CDH13: variants seen among roughly 807,000 people sequenced by gnomAD.
CDH13 encodes the protein cadherin-13.
Under a neutral mutation model 63.8 loss-of-function variants are expected in CDH13, and 24 were observed. The ratio of observed to expected loss-of-function variants is 0.38; its 90% CI spans 0.27 to 0.53. The LOEUF is 0.53. Among genes scored for constraint, CDH13 ranks in the 20% least tolerant of loss-of-function variants. The pLI is 0.85. For missense variants in CDH13, 1,049 were observed against 903.1 expected (o/e 1.16, Z -2.07); for synonymous variants, 503 against 355.3 (o/e 1.42, Z -4.67).
At chr16:83,137,078 G>T (rs1446505184) in intron 4 of CDH13, among the ~76,000 whole-genome samples, 1 of 152,220 alleles carries the variant, frequency 6.6e-6, no homozygotes, top group East Asian at 1.9e-4. Context: ...GGGCACATGG[G>T]TCCCAGGGGA....
At chr16:82,649,980 G>T (rs1910536090) in intron 1 of CDH13, among the ~76,000 whole-genome samples, 1 of 152,156 alleles carries the variant, frequency 6.6e-6, no homozygotes, top group African/African-American at 2.4e-5. Flanking sequence ...TAGGGATCCT[G>T]TTGCCTTAGT....
intron 2 of CDH13, among the ~76,000 whole-genome samples, chr16:82,993,662 C>A (rs910696644): frequency 6.6e-6 from 1 of 152,130 alleles, no homozygotes; most frequent in Non-Finnish European, 1.5e-5. Flanking sequence ...TCAGAGGATG[C>A]TGCTTCTCGG....
At chr16:83,087,533 T>C (rs779729602) in intron 3 of CDH13, among the ~76,000 whole-genome samples, 2 of 151,874 alleles carry the variant, frequency 1.3e-5, no homozygotes, top group Non-Finnish European at 2.9e-5. Flanking sequence ...CCAGGTGCGG[T>C]GGCATGTGCC....
At chr16:83,175,464 G>A (rs189956496) in intron 4 of CDH13, among the ~76,000 whole-genome samples, 63 of 152,178 alleles carry the variant, frequency 4.1e-4, no homozygotes, top group African/African-American at 1.5e-3. Context: ...GAAGAGGAAG[G>A]GATTGTTTGG....
In CDH13 at chr16:83,171,293, G is replaced by C. The variant is rs569847904; in HGVS notation, c.483+45792G>C. Among the ~76,000 whole-genome samples, 149 of 152,166 alleles carry C rather than the reference G, an allele frequency of 9.8e-4. 2 individuals carry two copies. The highest frequency in any genetic ancestry group is 3.4e-3 in the African/African-American group (143 of 41,566). On this transcript the variant is annotated intron_variant, in intron 4 of 13. Transcript: ENST00000567109. ...ACACTTTTAAAGGACCAGATCTTGTGAGAACTCTATCATGAGAACAGCACC... is the reference window on the plus strand; with the variant it reads ...ACACTTTTAAAGGACCAGATCTTGTCAGAACTCTATCATGAGAACAGCACC...
chr16:82,696,933 C>T (rs2030371276), intron 1 of CDH13, among the ~76,000 whole-genome samples: 4 of 152,136 alleles, frequency 2.6e-5, no homozygotes, highest in African/African-American at 9.7e-5. Flanking sequence ...TGGTAATAGG[C>T]CTCAGTTCCT....
At chr16:83,076,467 T>G (rs1029569187) in intron 3 of CDH13, among the ~76,000 whole-genome samples, 1 of 152,184 alleles carries the variant, frequency 6.6e-6, no homozygotes, top group Admixed American at 6.5e-5. Flanking sequence ...GTCCTGACAT[T>G]TCATAAAATC....
chr16:82,961,334 G>A (rs1239796268), intron 2 of CDH13, among the ~76,000 whole-genome samples: 22 of 152,260 alleles, frequency 1.4e-4, no homozygotes, highest in Middle Eastern at 3.4e-3. Flanking sequence ...AAAAGGAAAC[G>A]TCACTAACCT....
At chr16:83,061,378 A>G (rs1181558203) in intron 3 of CDH13, among the ~76,000 whole-genome samples, 1 of 152,168 alleles carries the variant, frequency 6.6e-6, no homozygotes, top group African/African-American at 2.4e-5. Flanking sequence ...GTGAATTCCC[A>G]GCATCATGGT....
At chr16:83,017,322 C>T (rs1914904350) in intron 2 of CDH13, among the ~76,000 whole-genome samples, 2 of 152,158 alleles carry the variant, frequency 1.3e-5, no homozygotes, top group Non-Finnish European at 2.9e-5. Context: ...TCCATTTTGA[C>T]ACCTTTTTTA....
chr16:83,595,257 G>A, intron 7 of CDH13, among the ~76,000 whole-genome samples: 1 of 152,174 alleles, frequency 6.6e-6, no homozygotes, highest in East Asian at 1.9e-4. Context: ...ACTTTGCTTT[G>A]GAAATGCCAC....
chr16:83,361,631 C>T (rs867059868), intron 6 of CDH13, among the ~76,000 whole-genome samples: 9 of 152,264 alleles, frequency 5.9e-5, no homozygotes, highest in South Asian at 4.1e-4. Context: ...TGGGTCATTT[C>T]ATTCTTCTGA....
intron 8 of CDH13, among the ~76,000 whole-genome samples, chr16:83,609,342 C>G (rs1015563959): frequency 6.6e-6 from 1 of 152,084 alleles, no homozygotes; most frequent in Admixed American, 6.5e-5. Context: ...ATTGGGCAAC[C>G]CAGAACTATG....
chr16:82,780,384 C>T (rs1042622789), intron 1 of CDH13, among the ~76,000 whole-genome samples: 5 of 152,222 alleles, frequency 3.3e-5, no homozygotes, highest in Non-Finnish European at 4.4e-5. Context: ...AATGACTGCA[C>T]GGGACCAGAG....
chr16:82,811,871 G>A (rs531447901), intron 1 of CDH13, among the ~76,000 whole-genome samples: 83 of 152,264 alleles, frequency 5.5e-4, no homozygotes, highest in African/African-American at 1.9e-3. Flanking sequence ...TGCCAGAAGG[G>A]CCCAGGTTTA....
rs547691354 is a variant in CDH13, at chr16:82,853,705, A to G, written c.46-4657A>G. On this transcript the variant is annotated intron_variant, in intron 1 of 13. Transcript: ENST00000567109. ...AATAGAAATCTTTTGTTAATCATAG[A>G]ATTTGATTATTGCTGTGCTTTCAAA... 3.3e-5 allele frequency among the ~76,000 whole-genome samples: 5 copies of G among 152,304 alleles called. No homozygotes were observed. In the East Asian group the frequency reaches 9.6e-4, roughly 29 times the overall value.
intron 8 of CDH13, among the ~76,000 whole-genome samples, chr16:83,612,821 C>G (rs1039321609): frequency 6.6e-6 from 1 of 152,080 alleles, no homozygotes; most frequent in African/African-American, 2.4e-5. Flanking sequence ...ATCCTCCTAC[C>G]TTCTGAGATA....
intron 1 of CDH13, chr16:82,705,344 A>G (rs1597368792): frequency 8.5e-6 from 3 of 353,074 alleles, no homozygotes. Flanking sequence ...GGATGCCCAG[A>G]GATATAACAA....
At chr16:83,294,978 G>A (rs1247908038) in intron 5 of CDH13, among the ~76,000 whole-genome samples, 2 of 152,026 alleles carry the variant, frequency 1.3e-5, no homozygotes, top group African/African-American at 2.4e-5. Flanking sequence ...TGACTTCAAA[G>A]TATACTACAA....
Sources: gnomAD v4.1 joint callset for allele counts (sites outside exome capture counted in the v4.1 genomes callset) on GRCh38, gnomAD v4.1.1 for gene constraint, MANE v1.5 for transcripts, NCBI Gene and HGNC (gene_info 2026-07-23, HGNC 2026-07-21) for gene names.